Variants in ROBO2 observed in about 807,000 individuals in gnomAD.
ROBO2 encodes roundabout guidance receptor 2.
In ROBO2, 53 loss-of-function variants were observed where a neutral mutation model predicts 160.8. That is an observed-to-expected ratio of 0.33 (90% CI 0.26 to 0.41). The LOEUF (loss-of-function observed/expected upper bound fraction) is 0.41. ROBO2 is among the 10% of genes least tolerant of loss of function. The pLI, the probability that ROBO2 is intolerant of heterozygous loss-of-function variation, is 1.00. For missense variants in ROBO2, 1,577 were observed against 1,722.4 expected (o/e 0.92, Z 1.49); for synonymous variants, 664 against 611.7 (o/e 1.09, Z -1.26).
exon 8 of ROBO2, chr3:77,550,875 A>G (rs1442540607): frequency 9.9e-6 from 16 of 1,613,144 alleles, no homozygotes; most frequent in African/African-American, 4.0e-5. Context: ...AGTGTCACCA[A>G]CTGGAGACCT....
chr3:77,294,949 GA>G (rs1358562547), intron 2 of ROBO2, among the ~76,000 whole-genome samples: 1 of 151,582 alleles, frequency 6.6e-6, no homozygotes, highest in Non-Finnish European at 1.5e-5. Context: ...ATGGTTAAAC[GA>G]GTAAGCTGAG....
chr3:77,054,272 T>C (rs1422524264), intron 1 of ROBO2, among the ~76,000 whole-genome samples: 2 of 152,178 alleles, frequency 1.3e-5, no homozygotes, highest in African/African-American at 2.4e-5. Flanking sequence ...CCCATGTTTG[T>C]GTTTTAGTTC....
At chr3:77,203,452 C>T (rs62251829) in intron 2 of ROBO2, among the ~76,000 whole-genome samples, 3,294 of 152,158 alleles carry the variant, frequency 0.022, 48 homozygotes, top group Middle Eastern at 0.048. Context: ...GGTTTTATAT[C>T]TTTGGGAAGG....
rs946526167 is a variant in ROBO2, at chr3:76,496,173, T to C, written c.109+558571T>C. ...ATTCATCTATAAAACATGTCTGGCA[T>C]ACTACCCAACTCCTCACCCATTTCA... On this transcript the variant is annotated intron_variant, in intron 2 of 26. Coordinates refer to the ROBO2 transcript ENST00000487694. Among the ~76,000 whole-genome samples, 6 of 152,244 alleles carry C rather than the reference T, an allele frequency of 3.9e-5. No homozygotes were observed. The South Asian group carries it at 1.0e-3, about 26-fold the overall frequency.
chr3:77,240,769 A>C (rs951936579), intron 2 of ROBO2, among the ~76,000 whole-genome samples: 2 of 152,218 alleles, frequency 1.3e-5, no homozygotes, highest in Non-Finnish European at 2.9e-5. Flanking sequence ...AAAAGTTGAC[A>C]TTTCTGCTGA....
At chr3:77,229,358 A>G (rs1410203512) in intron 2 of ROBO2, among the ~76,000 whole-genome samples, 3 of 152,128 alleles carry the variant, frequency 2.0e-5, no homozygotes, top group Admixed American at 1.3e-4. Flanking sequence ...TGAACAGATA[A>G]ATCAGTGGAG....
intron 2 of ROBO2, among the ~76,000 whole-genome samples, chr3:77,122,894 G>A (rs184818813): frequency 4.7e-4 from 72 of 152,166 alleles, no homozygotes; most frequent in African/African-American, 1.6e-3. Flanking sequence ...TTGAGTCAAC[G>A]TGCTAATTTC....
chr3:77,008,729 T>C (rs2061713941), intron 2 of ROBO2, among the ~76,000 whole-genome samples: 1 of 152,256 alleles, frequency 6.6e-6, no homozygotes, highest in South Asian at 2.1e-4. Context: ...TGTCAAGATA[T>C]GAAAATTAGA....
intron 2 of ROBO2, among the ~76,000 whole-genome samples, chr3:76,642,341 CTTTTTTTTTTTTTTTT>C (rs71104611): frequency 3.2e-5 from 2 of 62,230 alleles, no homozygotes; most frequent in Non-Finnish European, 6.0e-5. Flanking sequence ...TTTACACTTG[CTTTTTTTTTTTTTTTT>C]TTTTTTTTTT....
At chr3:76,737,309 C>T (rs2093729655) in intron 2 of ROBO2, among the ~76,000 whole-genome samples, 1 of 151,390 alleles carries the variant, frequency 6.6e-6, no homozygotes, top group Non-Finnish European at 1.5e-5. Flanking sequence ...TTTTATTATT[C>T]ACAAGTTTTT....
intron 2 of ROBO2, among the ~76,000 whole-genome samples, chr3:77,332,350 G>A (rs2066057410): frequency 6.6e-6 from 1 of 152,164 alleles, no homozygotes; most frequent in Non-Finnish European, 1.5e-5. Context: ...AGGTGGGCTG[G>A]TGTTCGTGTG....
At chr3:76,798,959 C>T (rs2063985790) in intron 2 of ROBO2, among the ~76,000 whole-genome samples, 1 of 151,178 alleles carries the variant, frequency 6.6e-6, no homozygotes, top group South Asian at 2.1e-4. Context: ...AAAATAAAAA[C>T]CATATACAAC....
chr3:76,412,542 G>A (rs963085949), intron 2 of ROBO2, among the ~76,000 whole-genome samples: 8 of 152,156 alleles, frequency 5.3e-5, no homozygotes, highest in Non-Finnish European at 8.8e-5. Flanking sequence ...CACAGGTATC[G>A]GGTAAATACA....
intron 2 of ROBO2, among the ~76,000 whole-genome samples, chr3:76,272,987 TA>T (rs1707655861): frequency 1.1e-5 from 1 of 89,828 alleles, no homozygotes; most frequent in African/African-American, 4.4e-5. Flanking sequence ...ATATAATATA[TA>T]ATATATAATT....
chr3:77,152,741 G>A (rs144852659), intron 2 of ROBO2, among the ~76,000 whole-genome samples: 1 of 152,308 alleles, frequency 6.6e-6, no homozygotes, highest in East Asian at 1.9e-4. Flanking sequence ...TACTGCCTAT[G>A]ACATAGATTC....
At chr3:77,516,686 G>C (rs529625232) in intron 5 of ROBO2, among the ~76,000 whole-genome samples, 1 of 151,640 alleles carries the variant, frequency 6.6e-6, no homozygotes, top group South Asian at 2.1e-4. Context: ...ATAGCTAGTA[G>C]CATTAACGAA....
At chr3:76,128,225 C>T (rs895101086) in intron 2 of ROBO2, among the ~76,000 whole-genome samples, 2 of 152,082 alleles carry the variant, frequency 1.3e-5, no homozygotes, top group African/African-American at 4.8e-5. Context: ...TCATGTAAAG[C>T]AGCAACACTG....
chr3:77,216,117 G>A (rs532911944), intron 2 of ROBO2, among the ~76,000 whole-genome samples: 1 of 152,238 alleles, frequency 6.6e-6, no homozygotes, highest in East Asian at 1.9e-4. Flanking sequence ...TGTCAGACAG[G>A]GACATTTAAG....
chr3:77,235,284 A>G (rs1388538081), intron 2 of ROBO2, among the ~76,000 whole-genome samples: 2 of 152,134 alleles, frequency 1.3e-5, no homozygotes, highest in Non-Finnish European at 2.9e-5. Context: ...TAAAATGAAG[A>G]ATTGCTGCCT....
Sources: gnomAD v4.1 joint callset for allele counts (sites outside exome capture counted in the v4.1 genomes callset) on GRCh38, gnomAD v4.1.1 for gene constraint, MANE v1.5 for transcripts, NCBI Gene and HGNC (gene_info 2026-07-23, HGNC 2026-07-21) for gene names.